STT3B: variants seen among roughly 807,000 people sequenced by gnomAD.
STT3B encodes dolichyl-diphosphooligosaccharide--protein glycosyltransferase subunit STT3B.
Under a neutral mutation model 96.8 loss-of-function variants are expected in STT3B, and 29 were observed. The ratio of observed to expected loss-of-function variants is 0.30; its 90% CI spans 0.22 to 0.41. STT3B has a LOEUF of 0.41. STT3B is among the 10% of genes least tolerant of loss of function. The probability of loss-of-function intolerance (pLI) is 1.00; values close to 1 mark genes in which losing one functional copy is unlikely to be tolerated. For synonymous variants in STT3B, 367 were observed against 360.0 expected (o/e 1.02, Z -0.22); for missense variants, 640 against 1,022.3 (o/e 0.63, Z 5.10).
At chr3:31,592,529 A>G (rs552274973) in intron 3 of STT3B, among the ~76,000 whole-genome samples, 2 of 152,102 alleles carry the variant, frequency 1.3e-5, no homozygotes, top group Non-Finnish European at 2.9e-5. Flanking sequence ...CCACAACAGC[A>G]GTATCATTTT....
At chr3:31,631,593 T>C (rs1699666779) in intron 14 of STT3B, among the ~76,000 whole-genome samples, 1 of 152,196 alleles carries the variant, frequency 6.6e-6, no homozygotes, top group Admixed American at 6.5e-5. Context: ...TGCTATCATA[T>C]AGATAAGCAA....
intron 4 of STT3B, among the ~76,000 whole-genome samples, chr3:31,598,627 A>G (rs528249211): frequency 6.2e-4 from 94 of 152,314 alleles, no homozygotes; most frequent in African/African-American, 2.1e-3. Flanking sequence ...AAGATCAGCA[A>G]GTACTTTTCA....
At chr3:31,572,038 G>GATATATTAATATATATTAATATATTTA (rs1272943458) in intron 1 of STT3B, among the ~76,000 whole-genome samples, 2 of 39,832 alleles carry the variant, frequency 5.0e-5, no homozygotes, top group East Asian at 9.3e-4. Context: ...ATTAATATAT[G>GATATATTAATATATATTAATATATTTA]ATATATTAAT....
chr3:31,602,493 A>G (rs1698950934), intron 5 of STT3B, among the ~76,000 whole-genome samples: 3 of 152,082 alleles, frequency 2.0e-5, no homozygotes, highest in Admixed American at 1.3e-4. Context: ...GAAGAGCCAA[A>G]GGAGATGTCA....
intron 1 of STT3B, among the ~76,000 whole-genome samples, chr3:31,547,790 T>A (rs7615746): frequency 0.053 from 8,104 of 152,332 alleles, 295 homozygotes; most frequent in South Asian, 0.085. Context: ...TAGACACTTC[T>A]TCCCAACCTT....
intron 8 of STT3B, among the ~76,000 whole-genome samples, 158 bp from the exon 9 acceptor site, chr3:31,619,516 CAG>C (rs983371083): frequency 4.6e-5 from 7 of 152,094 alleles, no homozygotes; most frequent in Admixed American, 3.9e-4. Flanking sequence ...GTAGACCAAA[CAG>C]AAACTATCCA....
chr3:31,590,025 A>T (rs1429244102), intron 3 of STT3B, among the ~76,000 whole-genome samples: 1 of 151,970 alleles, frequency 6.6e-6, no homozygotes, highest in Non-Finnish European at 1.5e-5. Context: ...CTTTTTAATG[A>T]CATCGTATTA....
intron 12 of STT3B, 97 bp from the exon 13 acceptor site, chr3:31,625,857 C>A: frequency 8.5e-7 from 1 of 1,171,738 alleles, no homozygotes; most frequent in Non-Finnish European, 1.2e-6. Flanking sequence ...GTAAAACAAA[C>A]TCTTGATGAA....
intron 1 of STT3B, among the ~76,000 whole-genome samples, chr3:31,568,063 A>G (rs1342366640): frequency 1.3e-5 from 2 of 151,434 alleles, no homozygotes; most frequent in African/African-American, 2.4e-5. Flanking sequence ...CATGAGTTCA[A>G]TTGTGTTAAT....
At chr3:31,553,089 G>A (rs1346419176) in intron 1 of STT3B, among the ~76,000 whole-genome samples, 3 of 126,098 alleles carry the variant, frequency 2.4e-5, no homozygotes, top group South Asian at 2.5e-4. Flanking sequence ...GCGACAGAGC[G>A]AAACTCCGTC....
chr3:31,558,268 A>G (rs929816059), intron 1 of STT3B, among the ~76,000 whole-genome samples: 6 of 152,162 alleles, frequency 3.9e-5, no homozygotes, highest in African/African-American at 1.4e-4. Flanking sequence ...TTCTTTGTGG[A>G]AAGGCTTTCA....
At chr3:31,586,017 A>C (rs1377181221) in intron 3 of STT3B, among the ~76,000 whole-genome samples, 1 of 152,108 alleles carries the variant, frequency 6.6e-6, no homozygotes, top group Non-Finnish European at 1.5e-5. Flanking sequence ...TTAACTTTAT[A>C]AAAAGCTGCC....
chr3:31,586,668 AC>A (rs1698545192), intron 3 of STT3B, among the ~76,000 whole-genome samples: 1 of 152,054 alleles, frequency 6.6e-6, no homozygotes, highest in South Asian at 2.1e-4. Context: ...TGCTTTGGTA[AC>A]CTTGTCAAAA....
chr3:31,568,489 G>T (rs1221292376), intron 1 of STT3B, among the ~76,000 whole-genome samples: 1 of 152,108 alleles, frequency 6.6e-6, no homozygotes, highest in Non-Finnish European at 1.5e-5. Context: ...GTATAGGACT[G>T]TTCCCCCTTC....
At chr3:31,547,854 C>CT (rs1177389952) in intron 1 of STT3B, among the ~76,000 whole-genome samples, 2 of 152,192 alleles carry the variant, frequency 1.3e-5, no homozygotes, top group Admixed American at 1.3e-4. Flanking sequence ...CCTTAAAATT[C>CT]TATGTGTTGA....
At chr3:31,592,787 G>A (rs1337320632) in intron 3 of STT3B, among the ~76,000 whole-genome samples, 2 of 152,102 alleles carry the variant, frequency 1.3e-5, no homozygotes, top group Non-Finnish European at 2.9e-5. Flanking sequence ...ATATTTCTTT[G>A]TATATGTGGT....
chr3:31,574,950 CTCT>C (rs1279470042), intron 1 of STT3B, among the ~76,000 whole-genome samples: 4 of 152,068 alleles, frequency 2.6e-5, no homozygotes, highest in Admixed American at 6.6e-5. Context: ...TTCTAATTTG[CTCT>C]TCATTTTTGT....
At chr3:31,626,185 C>T (rs1699533482) in intron 13 of STT3B, 58 bp downstream of exon 13, 1 of 1,450,008 alleles carries the variant, frequency 6.9e-7, no homozygotes. Context: ...CCTCGTAATT[C>T]TCTCATCTTG....
intron 3 of STT3B, among the ~76,000 whole-genome samples, chr3:31,594,776 T>G (rs1698748473): frequency 1.3e-5 from 2 of 152,132 alleles, no homozygotes; most frequent in African/African-American, 4.8e-5. Flanking sequence ...AAGGAAACAC[T>G]TAGTTCAATT....
Sources: gnomAD v4.1 joint callset for allele counts (sites outside exome capture counted in the v4.1 genomes callset) on GRCh38, gnomAD v4.1.1 for gene constraint, MANE v1.5 for transcripts, NCBI Gene and HGNC (gene_info 2026-07-23, HGNC 2026-07-21) for gene names.